The following SPATA6 variants were observed in gnomAD, a reference collection of about 807,000 sequenced individuals.
SPATA6 encodes spermatogenesis-associated protein 6.
A neutral mutation model predicts 65.3 loss-of-function variants in SPATA6; 56 were observed. The observed-to-expected ratio is 0.86, with a 90% CI of 0.69 to 1.07. The LOEUF is 1.07. Among genes scored for constraint, SPATA6 ranks in the 50% least tolerant of loss-of-function variants. SPATA6 has a pLI of 0.00. For missense variants in SPATA6, 590 were observed against 594.8 expected (o/e 0.99, Z 0.08); for synonymous variants, 199 against 213.2 (o/e 0.93, Z 0.58).
chr1:48,369,285 T>C (rs775293504), intron 9 of SPATA6, among the ~76,000 whole-genome samples: 1 of 152,202 alleles, frequency 6.6e-6, no homozygotes, highest in Non-Finnish European at 1.5e-5. Context: ...GATCTCCAGC[T>C]GCGTGCTGGG....
Position 48,407,697 on chromosome 1 carries a change from T to C in SPATA6, c.405+3767A>G, listed in dbSNP as rs1420987416. Among the ~76,000 whole-genome samples, 9 of 152,248 alleles carry C rather than the reference T, an allele frequency of 5.9e-5. No individual in the cohort carries two copies. The South Asian group carries it at 1.7e-3, about 28-fold the overall frequency. On this transcript the variant is annotated intron_variant, in intron 5 of 12. Transcript: ENST00000371847. ...ACTTCTTCGTCTTACCTTGTCAGTT[T>C]CCAGTATCCTGAATTCATTGTTTGT...
Position 48,411,441 on chromosome 1 carries a change from T to C in SPATA6, c.405+23A>G, listed in dbSNP as rs775085078. 4 of 1,594,782 alleles carry C rather than the reference T, an allele frequency of 2.5e-6. No individual in the cohort carries two copies. The South Asian group carries it at 3.4e-5, about 14-fold the overall frequency. ...ACAATGATTTTCCATCAAAAACTGA[T>C]TCAGAAAATTGCAAGCACTTACTCG... On this transcript the variant is annotated intron_variant, in intron 5 of 12. Transcript: ENST00000371847.
intron 11 of SPATA6, among the ~76,000 whole-genome samples, chr1:48,321,035 G>A (rs1645584594): frequency 6.6e-6 from 1 of 151,828 alleles, no homozygotes; most frequent in East Asian, 1.9e-4. Context: ...AAAAAATAAA[G>A]GGCAAAAAAT....
intron 3 of SPATA6, among the ~76,000 whole-genome samples, chr1:48,428,839 G>A (rs1654116437): frequency 7.2e-6 from 1 of 139,408 alleles, no homozygotes; most frequent in East Asian, 2.1e-4. Flanking sequence ...GTATATATAT[G>A]TGTATATATA....
chr1:48,301,915 G>C (rs79973312), intron 12 of SPATA6, among the ~76,000 whole-genome samples: 1 of 152,082 alleles, frequency 6.6e-6, no homozygotes, highest in Non-Finnish European at 1.5e-5. Context: ...GACCTGAAAG[G>C]ATGAAACTAT....
chr1:48,462,193 GT>G (rs1227744338), intron 1 of SPATA6, among the ~76,000 whole-genome samples: 5 of 151,652 alleles, frequency 3.3e-5, no homozygotes, highest in Non-Finnish European at 5.9e-5. Context: ...GGGGACTGTT[GT>G]GGGGTGGGGG....
chr1:48,378,446 A>C (rs1189346162), intron 9 of SPATA6, among the ~76,000 whole-genome samples: 1 of 152,222 alleles, frequency 6.6e-6, no homozygotes, highest in East Asian at 1.9e-4. Context: ...TAAGTGTATT[A>C]GTCTGTTTTC....
At chr1:48,327,756 A>AT (rs1645805393) in intron 11 of SPATA6, among the ~76,000 whole-genome samples, 7 of 152,194 alleles carry the variant, frequency 4.6e-5, no homozygotes, top group Admixed American at 4.6e-4. Context: ...TAAGTGGAAG[A>AT]TAAACAATAG....
intron 11 of SPATA6, among the ~76,000 whole-genome samples, chr1:48,354,753 A>G (rs1646609277): frequency 6.6e-6 from 1 of 151,344 alleles, no homozygotes; most frequent in Non-Finnish European, 1.5e-5. Context: ...TAGAAATTTG[A>G]TAATGTTTAC....
At chr1:48,464,167 C>A (rs771209537) in intron 1 of SPATA6, among the ~76,000 whole-genome samples, 1 of 151,866 alleles carries the variant, frequency 6.6e-6, no homozygotes, top group Non-Finnish European at 1.5e-5. Context: ...CCATTATCAG[C>A]GATTTCATAG....
intron 11 of SPATA6, among the ~76,000 whole-genome samples, chr1:48,306,866 G>A (rs555443860): frequency 3.5e-4 from 53 of 151,668 alleles, no homozygotes; most frequent in African/African-American, 1.2e-3. Flanking sequence ...ATAGTTTCTC[G>A]GTTTTATCAT....
chr1:48,276,331 T>TC, the SPATA6 span, among the ~76,000 whole-genome samples: 1 of 151,772 alleles, frequency 6.6e-6, no homozygotes, highest in Admixed American at 6.6e-5. Context: ...TCATGTCTCT[T>TC]TCTCATTCAG....
intron 10 of SPATA6, 60 bp from the exon 11 acceptor site, chr1:48,355,829 T>C: frequency 1.5e-6 from 2 of 1,342,790 alleles, no homozygotes; most frequent in Admixed American, 1.8e-5. Context: ...TTCTAAGCTA[T>C]ACTATCAAGT....
At chr1:48,282,246 GGC>G in the SPATA6 span, among the ~76,000 whole-genome samples, 2 of 152,100 alleles carry the variant, frequency 1.3e-5, no homozygotes, top group Admixed American at 1.3e-4. Flanking sequence ...AGAAAACCTA[GGC>G]ATTACCATTC....
In SPATA6 at chr1:48,325,758, C is replaced by T. The variant is rs1645740174; in HGVS notation, c.1195-19880G>A. ...CCAAGTATCTCGCGCAAGGTGTATG[C>T]CCCTGTGGATGCGTCAAATGAGACC... is the stretch of plus-strand genomic sequence containing the variant. On this transcript the variant is annotated intron_variant, in intron 11 of 12. Coordinates refer to ENST00000371847, the MANE Select transcript of SPATA6 (RefSeq NM_019073.4). 8.2e-6 allele frequency: 4 copies of T among 487,780 alleles called. No homozygotes were observed. The East Asian group carries it at 1.8e-4, about 22-fold the overall frequency. The allele number at this position is 487,780 out of a possible 1,614,324, so 30.2% of individuals were successfully genotyped here.
chr1:48,344,812 CAAG>C (rs754578588), intron 11 of SPATA6, among the ~76,000 whole-genome samples: 5 of 152,130 alleles, frequency 3.3e-5, no homozygotes, highest in African/African-American at 7.2e-5. Context: ...GACAATTCAA[CAAG>C]AAGATCTACC....
chr1:48,404,951 C>T (rs1651559283), intron 5 of SPATA6, among the ~76,000 whole-genome samples: 1 of 152,186 alleles, frequency 6.6e-6, no homozygotes, highest in African/African-American at 2.4e-5. Flanking sequence ...ATGCCCAGGG[C>T]AGTTTCATTC....
chr1:48,282,207 G>A, the SPATA6 span, among the ~76,000 whole-genome samples: 9 of 152,206 alleles, frequency 5.9e-5, no homozygotes, highest in South Asian at 2.1e-4. Context: ...AGACTTAAAC[G>A]TTAGACCTAA....
chr1:48,412,443 T>C (rs1196518115), intron 4 of SPATA6, among the ~76,000 whole-genome samples: 3 of 152,212 alleles, frequency 2.0e-5, no homozygotes, highest in Non-Finnish European at 2.9e-5. Flanking sequence ...ACAAAATATT[T>C]TAGAATGATA....
Sources: allele counts gnomAD v4.1 joint callset (sites outside exome capture counted in the v4.1 genomes callset), GRCh38; gene constraint gnomAD v4.1.1; transcripts MANE v1.5; gene names NCBI Gene and HGNC (gene_info 2026-07-23, HGNC 2026-07-21).